The following SLC1A3 variants were observed in gnomAD, a reference collection of about 807,000 sequenced individuals.
SLC1A3 encodes excitatory amino acid transporter 1.
Under a neutral mutation model 48.1 loss-of-function variants are expected in SLC1A3, and 21 were observed. That is an observed-to-expected ratio of 0.44 (90% confidence interval 0.31 to 0.63). The LOEUF (loss-of-function observed/expected upper bound fraction) is 0.63. Among genes scored for constraint, SLC1A3 ranks in the 20% least tolerant of loss-of-function variants. The pLI, the probability that SLC1A3 is intolerant of heterozygous loss-of-function variation, is 0.08. For synonymous variants in SLC1A3, 239 were observed against 251.4 expected, an observed-to-expected ratio of 0.95 and a Z score of 0.47; for missense variants, 546 against 689.0, an observed-to-expected ratio of 0.79 and a Z score of 2.32.
chr5:36,606,993 C>T (rs1738971299), intron 1 of SLC1A3: 1 of 151,240 alleles, frequency 6.6e-6, no homozygotes, highest in African/African-American at 2.4e-5. Flanking sequence ...CAAGGTTGAG[C>T]GGATCTGCTT....
chr5:36,615,560 T>C (rs557353742), intron 2 of SLC1A3, among the ~76,000 whole-genome samples: 1 of 152,314 alleles, frequency 6.6e-6, no homozygotes, highest in South Asian at 2.1e-4. Flanking sequence ...CTAGCCAGTG[T>C]TTGAGAACAC....
chr5:36,680,768 T>G (rs1271996555), intron 8 of SLC1A3, among the ~76,000 whole-genome samples, 179 bp downstream of exon 8: 1 of 152,000 alleles, frequency 6.6e-6, no homozygotes, highest in Non-Finnish European at 1.5e-5. Context: ...AATACAAAAA[T>G]TAGCCAGGCC....
At chr5:36,596,748 A>T (rs1281987918) in intron 1 of SLC1A3, among the ~76,000 whole-genome samples, 1 of 152,206 alleles carries the variant, frequency 6.6e-6, no homozygotes, top group Non-Finnish European at 1.5e-5. Context: ...TAATAAAATT[A>T]TTCACTCTCT....
chr5:36,630,262 A>G (rs1291683457), intron 3 of SLC1A3, among the ~76,000 whole-genome samples: 1 of 152,206 alleles, frequency 6.6e-6, no homozygotes, highest in Non-Finnish European at 1.5e-5. Flanking sequence ...ATAGGATTCT[A>G]TGTTCTATGA....
intron 3 of SLC1A3, among the ~76,000 whole-genome samples, chr5:36,630,845 T>C (rs1223433687): frequency 6.6e-6 from 1 of 152,194 alleles, no homozygotes; most frequent in African/African-American, 2.4e-5. Flanking sequence ...GGAGAATGAA[T>C]TGCCCATAAA....
intron 8 of SLC1A3, among the ~76,000 whole-genome samples, chr5:36,681,379 A>G (rs1400175976): frequency 2.6e-5 from 4 of 152,224 alleles, no homozygotes; most frequent in East Asian, 1.9e-4. Context: ...TTATACTTCA[A>G]TTTTTAAAAG....
chr5:36,680,396 T>G lies in SLC1A3; in HGVS notation c.1096T>G (p.Ser366Ala), dbSNP rs1404285547. 6.2e-7 allele frequency: 1 copy of G among 1,613,940 alleles called. No individual in the cohort carries two copies. Among genetic ancestry groups the G allele is most frequent in the Non-Finnish European group, 8.5e-7 (1 of 1,179,928 alleles). ...LITALGTSSSSATLPITFKCL... is the reference protein window; with the variant it reads ...LITALGTSSSAATLPITFKCL... ...TGTGCCCTATTTCACTGTTCTCAGTTCTGCCACCCTACCCATCACCTTCAA... is the reference window on the plus strand; with the variant it reads ...TGTGCCCTATTTCACTGTTCTCAGTGCTGCCACCCTACCCATCACCTTCAA... Residue 366 changes from serine to alanine, a missense_variant and splice_region_variant, in exon 8 of 10, where the codon TCT (serine) becomes GCT (alanine). By Grantham distance (99) the Ser-to-Ala change is moderately conservative (BLOSUM62 1). Transcript: ENST00000265113.
chr5:36,681,444 A>G, intron 8 of SLC1A3, among the ~76,000 whole-genome samples: 1 of 152,214 alleles, frequency 6.6e-6, no homozygotes, highest in East Asian at 1.9e-4. Flanking sequence ...AGTTAGATGA[A>G]CTTTTTCTCT....
At position 36,636,600 on chromosome 5, in the gene SLC1A3, CTT is replaced by C. The variant is rs11292001; in HGVS notation, c.319+7028_319+7029del. Among the ~76,000 whole-genome samples the C allele has an allele frequency of 1.3e-3, 139 of 107,720 alleles. 1 individual carries two copies. Among genetic ancestry groups the C allele is most frequent in the East Asian group, 2.1e-3 (8 of 3,808 alleles). The allele number at this position is 107,720 out of a possible 152,430, so 70.7% of individuals were successfully genotyped here. ...CTTTCTTTTTCTTCCTTTCTTCTTT[CTT>C]TTTTTTTTTTTTTTGCCCTGAATTG... On this transcript the variant is annotated intron_variant, in intron 3 of 9. Transcript: ENST00000265113.
chr5:36,606,349 G>A (rs970259730), upstream of SLC1A3: 5 of 152,224 alleles, frequency 3.3e-5, no homozygotes, highest in African/African-American at 4.8e-5. Flanking sequence ...CTTTCCGATT[G>A]TGTGCGCTTT....
At chr5:36,613,819 G>A (rs1479371617) in intron 2 of SLC1A3, among the ~76,000 whole-genome samples, 1 of 152,184 alleles carries the variant, frequency 6.6e-6, no homozygotes, top group Non-Finnish European at 1.5e-5. Context: ...TTTCTCTGGA[G>A]AAGCCACACT....
Position 36,645,089 on chromosome 5 carries a change from C to T in SLC1A3, c.319+15502C>T, listed in dbSNP as rs540590715. ...CTGAAAGTTCTGTGTAGGTCTTTTA[C>T]CATAGTATTGAATTTTACATTCATT... On this transcript the variant is annotated intron_variant, in intron 3 of 9. Coordinates refer to ENST00000265113, the MANE Select transcript of SLC1A3 (RefSeq NM_004172.5). Among the ~76,000 whole-genome samples the T allele has an allele frequency of 3.9e-5, 6 of 151,962 alleles. No homozygotes were observed. The South Asian group carries it at 6.2e-4, about 16-fold the overall frequency.
intron 2 of SLC1A3, among the ~76,000 whole-genome samples, chr5:36,619,202 G>C (rs542029802): frequency 7.2e-5 from 11 of 152,316 alleles, no homozygotes; most frequent in African/African-American, 2.2e-4. Flanking sequence ...ACAGAGGAGT[G>C]GGGGAGGGTT....
chr5:36,621,569 G>A (rs1232954369), intron 2 of SLC1A3, among the ~76,000 whole-genome samples: 1 of 152,216 alleles, frequency 6.6e-6, no homozygotes, highest in Non-Finnish European at 1.5e-5. Flanking sequence ...GAAGACTACT[G>A]CAATAGTCCA....
chr5:36,659,437 A>G lies in SLC1A3; in HGVS notation c.320-11592A>G, dbSNP rs2111879249. 2.0e-5 allele frequency among the ~76,000 whole-genome samples: 3 copies of G among 152,352 alleles called. No homozygotes were observed. In the East Asian group the frequency reaches 5.8e-4, roughly 29 times the overall value. On this transcript the variant is annotated intron_variant, in intron 3 of 9. Transcript: ENST00000265113. ...AAAATCCTTTTTTAAAAGCAAAAAT[A>G]AAAACATCACTGTCATCATGCCACA...
chr5:36,679,682 G>T lies in SLC1A3; in HGVS notation c.916G>T (p.Asp306Tyr), dbSNP rs1325669692. The T allele has an allele frequency of 6.2e-7, 1 of 1,614,198 alleles. No homozygotes were observed. Among genetic ancestry groups the T allele is most frequent in the Non-Finnish European group, 8.5e-7 (1 of 1,180,030 alleles). ...TGCTGGGAAGATTGTGGAGATGGAA[G>T]ACATGGGTGTGATTGGGGGGCAGCT... ...LIAGKIVEMEDMGVIGGQLAM... is the reference protein window; with the variant it reads ...LIAGKIVEMEYMGVIGGQLAM... The change falls in exon 7 of 10, where the codon GAC (aspartate) becomes TAC (tyrosine). Residue 306 changes from aspartate to tyrosine, a missense_variant. Around this residue, in one of 3 missense-constraint regions of SLC1A3, gnomAD observed 348 missense variants for 392.0 expected, o/e 0.89. Coordinates refer to ENST00000265113, the MANE Select transcript of SLC1A3 (RefSeq NM_004172.5).
chr5:36,686,031 C>A, intron 9 of SLC1A3, 34 bp from the exon 10 acceptor site: 1 of 1,576,778 alleles, frequency 6.3e-7, no homozygotes, highest in Non-Finnish European at 8.7e-7. Flanking sequence ...CTCACGGGAG[C>A]CTCGTTTTTC....
intron 4 of SLC1A3, 124 bp downstream of exon 4, chr5:36,671,357 TC>T (rs1197447360): frequency 2.7e-6 from 2 of 730,254 alleles, no homozygotes; most frequent in Non-Finnish European, 5.0e-6. Flanking sequence ...GAAATGAAGG[TC>T]ATATATCTTT....
At chr5:36,626,529 C>T (rs183691570) in intron 2 of SLC1A3, among the ~76,000 whole-genome samples, 8 of 152,262 alleles carry the variant, frequency 5.3e-5, no homozygotes, top group South Asian at 2.1e-4. Context: ...CAGCTTGATA[C>T]GTTCAAATTC....
Sources: allele counts gnomAD v4.1 joint callset (sites outside exome capture counted in the v4.1 genomes callset), GRCh38; gene constraint gnomAD v4.1.1; regional missense constraint gnomAD v4.1.1; transcripts MANE v1.5; gene names NCBI Gene and HGNC (gene_info 2026-07-23, HGNC 2026-07-21).